IL1RAPL1: variants seen among roughly 807,000 people sequenced by gnomAD.
IL1RAPL1 encodes interleukin-1 receptor accessory protein-like 1.
Under a neutral mutation model 48.4 loss-of-function variants are expected in IL1RAPL1, and 3 were observed. That is an observed-to-expected ratio of 0.06 (90% CI 0.03 to 0.16). The LOEUF (loss-of-function observed/expected upper bound fraction) is 0.16, where lower values mean the gene tolerates loss of function less well. IL1RAPL1 is among the 10% of genes least tolerant of loss of function. IL1RAPL1 has a pLI of 1.00. For synonymous variants in IL1RAPL1, 185 were observed against 187.7 expected, an observed-to-expected ratio of 0.99 and a Z score of 0.12; for missense variants, 349 against 530.6, an observed-to-expected ratio of 0.66 and a Z score of 3.36.
intron 2 of IL1RAPL1, among the ~76,000 whole-genome samples, chrX:28,962,875 T>C (rs766043607): frequency 1.1e-5 from 1 of 93,482 alleles, no homozygotes; most frequent in Admixed American, 1.1e-4. Context: ...ATTGTGTGTC[T>C]GTGTGTATGT....
intron 1 of IL1RAPL1, among the ~76,000 whole-genome samples, chrX:28,682,880 T>G (rs1259495652): frequency 8.9e-6 from 1 of 112,073 alleles, no homozygotes; most frequent in Non-Finnish European, 1.9e-5. Context: ...CAAATATACT[T>G]TCTAGCTCCT....
At chrX:29,423,660 G>T (rs1039452501) in intron 5 of IL1RAPL1, among the ~76,000 whole-genome samples, 16 of 111,329 alleles carry the variant, frequency 1.4e-4, no homozygotes, top group East Asian at 2.8e-4. Flanking sequence ...TATAAGTTGG[G>T]TATTCTCAAT....
chrX:29,587,239 G>A (rs1923202720), intron 5 of IL1RAPL1, among the ~76,000 whole-genome samples: 1 of 110,620 alleles, frequency 9.0e-6, no homozygotes, highest in Non-Finnish European at 1.9e-5. Context: ...AAGAATGTGG[G>A]AAAATTCTGT....
chrX:29,709,364 A>C (rs1399079165), intron 6 of IL1RAPL1, among the ~76,000 whole-genome samples: 1 of 111,489 alleles, frequency 9.0e-6, no homozygotes, highest in African/African-American at 3.3e-5. Flanking sequence ...CTACATGTGG[A>C]TATCCAGTTT....
intron 1 of IL1RAPL1, among the ~76,000 whole-genome samples, chrX:28,707,322 C>G (rs1935387002): frequency 8.9e-6 from 1 of 112,125 alleles, no homozygotes. Context: ...GTTTCTTTGT[C>G]CCTCATTTGG....
chrX:29,643,654 G>A lies in IL1RAPL1; in HGVS notation c.704-24776G>A, dbSNP rs1242005057. 2.7e-5 allele frequency among the ~76,000 whole-genome samples: 3 copies of A among 111,604 alleles called. No individual in the cohort carries two copies. In the Admixed American group the frequency reaches 2.9e-4, roughly 11 times the overall value. ...CTTATGATACAATGGTTGTGGAGAT[G>A]CCTATTTGATCGTATTTCTCAAGGA... On this transcript the variant is annotated intron_variant, in intron 5 of 10. Coordinates refer to ENST00000378993, the MANE Select transcript of IL1RAPL1 (RefSeq NM_014271.4).
At chrX:28,892,411 G>A (rs950228650) in intron 2 of IL1RAPL1, among the ~76,000 whole-genome samples, 4 of 110,169 alleles carry the variant, frequency 3.6e-5, no homozygotes, top group Admixed American at 1.9e-4. Flanking sequence ...GGCAAGGACC[G>A]GCCATTTTCA....
intron 3 of IL1RAPL1, among the ~76,000 whole-genome samples, chrX:29,368,353 A>T (rs1041266412): frequency 2.7e-5 from 3 of 111,973 alleles, no homozygotes; most frequent in African/African-American, 9.7e-5. Context: ...CTTTGATTCA[A>T]TGCTTGTGTG....
At chrX:29,854,070 AT>A (rs1931431182) in intron 6 of IL1RAPL1, among the ~76,000 whole-genome samples, 1 of 111,876 alleles carries the variant, frequency 8.9e-6, no homozygotes, top group Admixed American at 9.5e-5. Context: ...CTCCTTCCAA[AT>A]TTTCGAGGTA....
chrX:29,745,558 G>A (rs191372781), intron 6 of IL1RAPL1, among the ~76,000 whole-genome samples: 15 of 99,330 alleles, frequency 1.5e-4, no homozygotes, highest in African/African-American at 4.9e-4. Flanking sequence ...GCAATTCTTC[G>A]GTCCCAGCCT....
chrX:29,228,215 CA>C (rs1342232235), intron 2 of IL1RAPL1, among the ~76,000 whole-genome samples: 1 of 66,465 alleles, frequency 1.5e-5, no homozygotes, highest in African/African-American at 4.8e-5. Flanking sequence ...CACACACACA[CA>C]CACACACAAC....
intron 1 of IL1RAPL1, among the ~76,000 whole-genome samples, chrX:28,737,154 C>T (rs766774110): frequency 0.036 from 2,448 of 68,298 alleles, 127 homozygotes; most frequent in South Asian, 0.046. Context: ...TCCTTCCTTC[C>T]TTCCTTCCTT....
chrX:29,259,348 A>G (rs187784578), intron 2 of IL1RAPL1, among the ~76,000 whole-genome samples: 1 of 111,883 alleles, frequency 8.9e-6, no homozygotes, highest in East Asian at 2.8e-4. Context: ...AATTCTCCAT[A>G]ACTGGATTTC....
chrX:28,733,761 C>A (rs1267385581), intron 1 of IL1RAPL1, among the ~76,000 whole-genome samples: 1 of 111,542 alleles, frequency 9.0e-6, no homozygotes, highest in Non-Finnish European at 1.9e-5. Context: ...TTTTAAATAT[C>A]ATTTGATTGT....
At chrX:29,450,464 A>G (rs1412684927) in intron 5 of IL1RAPL1, among the ~76,000 whole-genome samples, 1 of 111,791 alleles carries the variant, frequency 8.9e-6, no homozygotes, top group East Asian at 2.8e-4. Context: ...TCAAATGAGC[A>G]TGGCTGTGTT....
intron 2 of IL1RAPL1, among the ~76,000 whole-genome samples, chrX:28,951,422 A>AG (rs935125718): frequency 9.1e-5 from 10 of 109,428 alleles, no homozygotes; most frequent in African/African-American, 3.3e-4. Context: ...GTAAAAAAAA[A>AG]AAAAAAAAAT....
intron 2 of IL1RAPL1, among the ~76,000 whole-genome samples, chrX:28,983,267 C>A (rs893621755): frequency 9.0e-6 from 1 of 111,662 alleles, no homozygotes; most frequent in Non-Finnish European, 1.9e-5. Flanking sequence ...TAGGAAATTT[C>A]TCCATCCTGT....
chrX:28,887,142 G>C (rs915265097), intron 2 of IL1RAPL1, among the ~76,000 whole-genome samples: 31 of 111,128 alleles, frequency 2.8e-4, no homozygotes, highest in African/African-American at 1.0e-3. Context: ...TTGAGAGGTG[G>C]AGCCTTTAAA....
intron 2 of IL1RAPL1, among the ~76,000 whole-genome samples, chrX:29,180,368 C>CATT (rs745664167): frequency 1.6e-3 from 177 of 109,711 alleles, no homozygotes; most frequent in African/African-American, 2.1e-3. Flanking sequence ...AGAAGAAACT[C>CATT]ATTATTATTA....
Sources: gnomAD v4.1 joint callset for allele counts (sites outside exome capture counted in the v4.1 genomes callset) on GRCh38, gnomAD v4.1.1 for gene constraint, MANE v1.5 for transcripts, NCBI Gene and HGNC (gene_info 2026-07-23, HGNC 2026-07-21) for gene names.